The following MIA2 variants were observed in gnomAD, a reference collection of about 807,000 sequenced individuals.
The protein encoded by MIA2 is MIA SH3 domain ER export factor 2, also known as melanoma inhibitory activity protein 2.
In MIA2, 127 loss-of-function variants were observed where a neutral mutation model predicts 167.8. That is an observed-to-expected ratio of 0.76 (90% confidence interval 0.66 to 0.88). The LOEUF is 0.88. MIA2 is among the 40% of genes least tolerant of loss of function. MIA2 has a pLI of 0.00. For synonymous variants in MIA2, 552 were observed against 541.9 expected (o/e 1.02, Z -0.26); for missense variants, 1,690 against 1,624.7 (o/e 1.04, Z -0.69).
At chr14:39,259,365 C>T (rs2054970625) in intron 6 of MIA2, among the ~76,000 whole-genome samples, 1 of 142,998 alleles carries the variant, frequency 7.0e-6, no homozygotes, top group South Asian at 2.1e-4. Flanking sequence ...AGATTTTGGA[C>T]AGCTACTAGT....
In MIA2 at chr14:39,247,862, A is replaced by G. The variant is rs1426428481; in HGVS notation, c.1288A>G (p.Ile430Val). Reference sequence around the variant, plus strand: ...TGAAAAAGAACAAGAAATAGAAACGATAAAAATTATAGAAACAGAAGATCA... The same window carrying G: ...TGAAAAAGAACAAGAAATAGAAACGGTAAAAATTATAGAAACAGAAGATCA... ...DPEKEQEIET[I>V]KIIETEDQID... Residue 430 changes from isoleucine (I) to valine (V), a missense_variant, in exon 4 of 29, where the codon ATA becomes GTA. Coordinates refer to ENST00000640607, the MANE Select transcript of MIA2 (RefSeq NM_001329214.4). The G allele has an allele frequency of 1.3e-6, 2 of 1,589,078 alleles. No individual in the cohort carries two copies. Among genetic ancestry groups the G allele is most frequent in the Non-Finnish European group, 1.7e-6 (2 of 1,173,820 alleles).
Position 39,302,246 on chromosome 14 carries a change from T to C in MIA2, c.2737T>C (p.Leu913=), listed in dbSNP as rs150933639. The change falls in exon 15 of 29, where the codon TTA becomes CTA. Residue 913 remains leucine, a synonymous_variant. Coordinates refer to ENST00000640607, the MANE Select transcript of MIA2 (RefSeq NM_001329214.4). ...CAGTGAATCGGAAAATGGTGCTTAC[T>C]TAGGTATTAAGTCATGACTCATCTC... ...MNSESENGAY[L]DNPPKGALKK... is the part of the protein sequence containing the mutation. 4.0e-5 allele frequency: 64 copies of C among 1,613,570 alleles called. No individual in the cohort carries two copies. The highest frequency in any genetic ancestry group is 4.8e-5 in the Non-Finnish European group (57 of 1,179,722).
chr14:39,344,798 C>G (rs1420422362), intron 25 of MIA2, among the ~76,000 whole-genome samples: 1 of 152,184 alleles, frequency 6.6e-6, no homozygotes, highest in Non-Finnish European at 1.5e-5. Context: ...ATCTAGCAGT[C>G]TGACATCACC....
chr14:39,376,063 C>T (rs2075039690), intron 23 of MIA2, among the ~76,000 whole-genome samples: 1 of 152,288 alleles, frequency 6.6e-6, no homozygotes, highest in African/African-American at 2.4e-5. Flanking sequence ...AAGTGATTCT[C>T]CTGCCTCAGC....
At chr14:39,277,724 A>ATATATATATATATATATGTGTGTG (rs1566684603) in intron 7 of MIA2, among the ~76,000 whole-genome samples, 1 of 3,060 alleles carries the variant, frequency 3.3e-4, no homozygotes, top group Non-Finnish European at 7.8e-4. Flanking sequence ...ATGTGTGTAT[A>ATATATATATATATATATGTGTGTG]TATATATATA....
In MIA2 at chr14:39,386,576, A is replaced by AC. The variant is rs2075275748; in HGVS notation, c.2249-307dup. 6 of 1,109,450 alleles carry AC rather than the reference A, an allele frequency of 5.4e-6. No individual in the cohort carries two copies. In the African/African-American group the frequency reaches 9.7e-5, roughly 18 times the overall value. The allele number at this position is 1,109,450 out of a possible 1,614,324, so 68.7% of individuals were successfully genotyped here. Reference sequence around the variant, plus strand: ...TTCTTTTGGTCTCTTTGTTATCATCACCTGCTGTGCCACAGTGGGCTTTCT... The same window carrying AC: ...TTCTTTTGGTCTCTTTGTTATCATCACCCTGCTGTGCCACAGTGGGCTTTCT... On this transcript the variant is annotated intron_variant, in intron 23 of 23. Coordinates refer to the MIA2 transcript ENST00000341502.
chr14:39,267,130 C>G (rs2055892897), intron 6 of MIA2: 5 of 1,152,970 alleles, frequency 4.3e-6, no homozygotes, highest in African/African-American at 3.2e-5. Flanking sequence ...TCCGCGCCTC[C>G]CCGCCTTCTC....
At chr14:39,268,978 T>C in intron 6 of MIA2, 1 of 982,106 alleles carries the variant, frequency 1.0e-6, no homozygotes, top group African/African-American at 1.7e-5. Context: ...TTTATAGGAC[T>C]GCCAGTGTAC....
At chr14:39,304,216 G>T (rs928157244) in intron 16 of MIA2, 75 bp from the exon 17 acceptor site, 24 of 551,796 alleles carry the variant, frequency 4.3e-5, no homozygotes, top group Non-Finnish European at 6.4e-5. Context: ...GGGTCATACT[G>T]AGGTTTTATT....
downstream of MIA2, chr14:39,350,700 G>A (rs2074293461): frequency 7.5e-6 from 1 of 133,440 alleles, no homozygotes; most frequent in South Asian, 2.3e-4. Context: ...TATAACTATG[G>A]CTCTATTAAC....
intron 17 of MIA2, 135 bp downstream of exon 17, chr14:39,304,516 A>G (rs940856379): frequency 4.2e-6 from 2 of 481,228 alleles, no homozygotes; most frequent in Non-Finnish European, 3.7e-6. Flanking sequence ...CCTGTTGGGT[A>G]TTTGTGAAAC....
intron 18 of MIA2, among the ~76,000 whole-genome samples, chr14:39,312,593 T>C (rs1023179711): frequency 6.6e-6 from 1 of 152,258 alleles, no homozygotes; most frequent in Admixed American, 6.5e-5. Flanking sequence ...AATGATAGTA[T>C]GTGAAATGAA....
intron 6 of MIA2, chr14:39,253,719 T>G (rs1202609790): frequency 1.3e-5 from 2 of 151,360 alleles, no homozygotes; most frequent in Non-Finnish European, 2.9e-5. Context: ...AGTTGTAACC[T>G]CAAAATGGTA....
chr14:39,277,957 T>C (rs576589066), intron 7 of MIA2, among the ~76,000 whole-genome samples: 1 of 150,560 alleles, frequency 6.6e-6, no homozygotes, highest in African/African-American at 2.4e-5. Context: ...TCTGCCCAGC[T>C]TCATCTTTTT....
Position 39,247,553 on chromosome 14 carries a change from C to A in MIA2, c.979C>A (p.Leu327Ile). 6.2e-7 allele frequency: 1 copy of A among 1,613,970 alleles called. No homozygotes were observed. The highest frequency in any genetic ancestry group is 8.5e-7 in the Non-Finnish European group (1 of 1,180,010). ...YLGFGDEDTG[L>I]ELIAEESNPP... is the part of the protein sequence containing the mutation. The stretch of plus-strand genomic sequence containing the variant: ...AGGTTTTGGAGATGAGGATACAGGG[C>A]TTGAATTAATAGCTGAAGAAAGCAA... The change falls in exon 4 of 29, where the codon CTT (leucine) becomes ATT (isoleucine). Residue 327 changes from leucine (L) to isoleucine (I), a missense_variant. By Grantham distance (5) the Leu-to-Ile change is conservative. Transcript: ENST00000640607.
At chr14:39,236,600 G>C (rs757233636) in intron 1 of MIA2, among the ~76,000 whole-genome samples, 3 of 152,174 alleles carry the variant, frequency 2.0e-5, no homozygotes, top group African/African-American at 7.2e-5. Context: ...CTTTCCTACA[G>C]ACTAGAGAAT....
In MIA2 at chr14:39,279,224, A is replaced by G. The variant is rs2058584211; in HGVS notation, c.2020-113A>G. On this transcript the variant is annotated intron_variant, in intron 7 of 28. Transcript: ENST00000640607. ...AACAGAATACTTTTGGCTTGTATTT[A>G]TACAAAGGCAATAAGAAACCTGTAT... The G allele has an allele frequency of 1.8e-5, 14 of 792,520 alleles. No homozygotes were observed. In the South Asian group the frequency reaches 2.5e-4, roughly 14 times the overall value. 49.1% of individuals were successfully genotyped at this position (792,520 alleles called of 1,614,324 possible). A position where few individuals can be genotyped will look rare whatever the true frequency, so the allele number is the denominator to read the frequency against.
At chr14:39,291,612 T>A (rs1010429077) in intron 10 of MIA2, among the ~76,000 whole-genome samples, 40 of 152,244 alleles carry the variant, frequency 2.6e-4, no homozygotes, top group South Asian at 6.2e-4. Flanking sequence ...ACTTTTTTTT[T>A]AAAAAGCAGC....
At chr14:39,285,811 G>A (rs546054423) in intron 9 of MIA2, among the ~76,000 whole-genome samples, 119 of 151,550 alleles carry the variant, frequency 7.9e-4, no homozygotes, top group Admixed American at 3.3e-3. Context: ...CAGATGGGGC[G>A]GCCGGGCAGA....
Sources: allele counts gnomAD v4.1 joint callset (sites outside exome capture counted in the v4.1 genomes callset), GRCh38; gene constraint gnomAD v4.1.1; transcripts MANE v1.5; gene names NCBI Gene and HGNC (gene_info 2026-07-23, HGNC 2026-07-21).